OR6C3: variants seen among roughly 807,000 people sequenced by gnomAD.
The protein encoded by OR6C3 is olfactory receptor 6C3.
For missense variants in OR6C3, 487 were observed against 364.6 expected (o/e 1.34, Z -2.73); for synonymous variants, 177 against 137.4 (o/e 1.29, Z -2.02).
In OR6C3 at chr12:55,332,318, C is replaced by G; in HGVS notation, c.618C>G (p.Phe206Leu). The G allele has an allele frequency of 6.2e-7, 1 of 1,614,050 alleles. No homozygotes were observed. The highest frequency in any genetic ancestry group is 1.3e-5 in the African/African-American group (1 of 75,042). The change falls in exon 2 of 2, where the codon TTC (phenylalanine) becomes TTG (leucine). Residue 206 changes from phenylalanine to leucine, a missense_variant. Physicochemically the swap from Phe to Leu is conservative, Grantham distance 22. Coordinates refer to ENST00000641740, the MANE Select transcript of OR6C3 (RefSeq NM_001388498.1). ...GFYFALVTLL[F>L]TLALVILSYM... ...ACTTTGCTTTGGTTACTTTGCTGTT[C>G]ACTTTGGCATTAGTGATTTTATCTT...
upstream of OR6C3, chr12:55,330,349 A>T (rs1868803367): frequency 6.6e-6 from 1 of 152,184 alleles, no homozygotes; most frequent in Admixed American, 6.5e-5. Context: ...CACATCTTCC[A>T]AAGGTTTCTG....
At chr12:55,331,589 G>A in intron 1 of OR6C3, 68 bp from the exon 2 acceptor site, 5 of 655,150 alleles carry the variant, frequency 7.6e-6, no homozygotes, top group Non-Finnish European at 1.3e-5. Flanking sequence ...ATAATTATAT[G>A]GATCATGATG....
chr12:55,330,849 A>G (rs1198438245), intron 1 of OR6C3, 42 bp downstream of exon 1: 1 of 152,178 alleles, frequency 6.6e-6, no homozygotes, highest in Non-Finnish European at 1.5e-5. Flanking sequence ...GAGCAAAATG[A>G]AAAATAGATA....
At position 55,331,719 on chromosome 12, in the gene OR6C3, A is replaced by T; in HGVS notation, c.19A>T (p.Thr7Ser). The T allele has an allele frequency of 6.2e-7, 1 of 1,612,518 alleles. No individual in the cohort carries two copies. Among genetic ancestry groups the T allele is most frequent in the Non-Finnish European group, 8.5e-7 (1 of 1,178,784 alleles). Residue 7 changes from threonine (T) to serine (S), a missense_variant, in exon 2 of 2, where the codon ACA becomes TCA. Thr to Ser is a moderately conservative substitution (Grantham distance 58, BLOSUM62 1). Transcript: ENST00000641740. ...ACGAGACATGAACCACACAATGGTC[A>T]CAGAGTTTGTCCTCCTGGGCCTTTC... Reference protein sequence around the residue: MNHTMVTEFVLLGLSDD... With the variant: MNHTMVSEFVLLGLSDD...
chr12:55,332,030 CA>C lies in OR6C3; in HGVS notation c.331del (p.Ile111PhefsTer2), dbSNP rs750448690. On this transcript the variant is annotated frameshift_variant, in exon 2 of 2. Transcript: ENST00000641740. LOFTEE classifies it low-confidence loss of function (END_TRUNC). ...FIFMGVTEFY[I>X]LTAMSYDRYV... ...TCTTCATGGGGGTGACTGAATTTTA[CA>C]TTTTAACTGCCATGTCCTATGACCG... The C allele has an allele frequency of 6.2e-7, 1 of 1,614,130 alleles. No individual in the cohort carries two copies. The highest frequency in any genetic ancestry group is 1.1e-5 in the South Asian group (1 of 91,078).
chr12:55,332,148 T>A lies in OR6C3; in HGVS notation c.448T>A (p.Phe150Ile). ...LLVLCAWLSG[F>I]LTIFPPLMLL... ...TGTGCTGTGTGCCTGGCTAAGTGGG[T>A]TTCTGACCATTTTCCCACCCCTTAT... is the stretch of plus-strand genomic sequence containing the variant. Residue 150 changes from phenylalanine (F) to isoleucine (I), a missense_variant, in exon 2 of 2, where the codon TTT (phenylalanine) becomes ATT (isoleucine). By Grantham distance (21) the Phe-to-Ile change is conservative. Coordinates refer to ENST00000641740, the MANE Select transcript of OR6C3 (RefSeq NM_001388498.1). 1.2e-6 allele frequency: 2 copies of A among 1,614,016 alleles called. No individual in the cohort carries two copies. Among genetic ancestry groups the A allele is most frequent in the Non-Finnish European group, 1.7e-6 (2 of 1,179,992 alleles).
chr12:55,332,463 A>G lies in OR6C3; in HGVS notation c.763A>G (p.Met255Val). Residue 255 changes from methionine (M) to valine (V), a missense_variant, in exon 2 of 2, where the codon ATG (methionine) becomes GTG (valine). Coordinates refer to ENST00000641740, the MANE Select transcript of OR6C3 (RefSeq NM_001388498.1). ...ISISYGSCIF[M>V]YANPSAKEKA... ...CATTTCTTATGGAAGCTGTATATTC[A>G]TGTATGCTAATCCATCTGCAAAAGA... 1 of 1,614,056 alleles carries G rather than the reference A, an allele frequency of 6.2e-7. No homozygotes were observed. Among genetic ancestry groups the G allele is most frequent in the Non-Finnish European group, 8.5e-7 (1 of 1,180,000 alleles).
Position 55,331,877 on chromosome 12 carries a change from C to T in OR6C3, c.177C>T (p.Phe59=). The part of the protein sequence containing the change: ...DSHLQTPMYF[F]LRNFSFLEIS... ...ATCTGCAGACACCTATGTATTTCTTCCTCCGGAACTTCTCTTTCTTAGAAA... is the reference window on the plus strand; with the variant it reads ...ATCTGCAGACACCTATGTATTTCTTTCTCCGGAACTTCTCTTTCTTAGAAA... Residue 59 remains phenylalanine, a synonymous_variant, in exon 2 of 2, where the codon TTC becomes TTT. Coordinates refer to ENST00000641740, the MANE Select transcript of OR6C3 (RefSeq NM_001388498.1). 1 of 1,614,160 alleles carries T rather than the reference C, an allele frequency of 6.2e-7. No individual in the cohort carries two copies. Among genetic ancestry groups the T allele is most frequent in the African/African-American group, 1.3e-5 (1 of 75,058 alleles).
At chr12:55,331,511 T>C (rs1418117226) in intron 1 of OR6C3, 146 bp from the exon 2 acceptor site, 2 of 482,458 alleles carry the variant, frequency 4.1e-6, no homozygotes, top group Admixed American at 7.3e-5. Flanking sequence ...TAGAAAAAAA[T>C]ATTAAAACAT....
rs372567255 is a variant in OR6C3 at position 55,331,882 on chromosome 12, G to A, written c.182G>A (p.Arg61Gln). ...HLQTPMYFFL[R>Q]NFSFLEISFT... ...CAGACACCTATGTATTTCTTCCTCC[G>A]GAACTTCTCTTTCTTAGAAATCTCA... The change falls in exon 2 of 2, where the codon CGG becomes CAG. Residue 61 changes from arginine to glutamine, a missense_variant. By Grantham distance (43) the Arg-to-Gln change is conservative (BLOSUM62 1). Coordinates refer to ENST00000641740, the MANE Select transcript of OR6C3 (RefSeq NM_001388498.1). 3.7e-4 allele frequency: 590 copies of A among 1,613,920 alleles called. 6 individuals carry two copies. The South Asian group carries it at 5.7e-3, about 16-fold the overall frequency.
chr12:55,332,471 TA>T lies in OR6C3; in HGVS notation c.773del (p.Asn258IlefsTer10). On this transcript the variant is annotated frameshift_variant, in exon 2 of 2. Coordinates refer to ENST00000641740, the MANE Select transcript of OR6C3 (RefSeq NM_001388498.1). LOFTEE classifies it low-confidence loss of function (END_TRUNC). ...SYGSCIFMYA[N>X]PSAKEKASLT... The stretch of plus-strand genomic sequence containing the variant: ...ATGGAAGCTGTATATTCATGTATGC[TA>T]ATCCATCTGCAAAAGAAAAGGCATC... 1.2e-6 allele frequency: 2 copies of T among 1,614,050 alleles called. No homozygotes were observed. The highest frequency in any genetic ancestry group is 1.7e-6 in the Non-Finnish European group (2 of 1,179,978).
upstream of OR6C3, among the ~76,000 whole-genome samples, chr12:55,330,585 G>C (rs930155275): frequency 1.3e-5 from 2 of 152,110 alleles, no homozygotes; most frequent in Non-Finnish European, 2.9e-5. Flanking sequence ...AGCAGTTCTT[G>C]AATAGCTGAA....
chr12:55,331,917 G>C lies in OR6C3; in HGVS notation c.217G>C (p.Val73Leu), dbSNP rs139430640. 1 of 1,613,870 alleles carries C rather than the reference G, an allele frequency of 6.2e-7. No individual in the cohort carries two copies. Among genetic ancestry groups the C allele is most frequent in the Non-Finnish European group, 8.5e-7 (1 of 1,179,850 alleles). The stretch of plus-strand genomic sequence containing the variant: ...TTTCTTAGAAATCTCATTTACAACC[G>C]TATGCATCCCCAGATTTCTGGGGGC... ...FSFLEISFTT[V>L]CIPRFLGAII... Residue 73 changes from valine (V) to leucine (L), a missense_variant, in exon 2 of 2, where the codon GTA becomes CTA. Val to Leu is a conservative substitution (Grantham distance 32). Transcript: ENST00000641740.
Position 55,331,710 on chromosome 12 carries a change from A to G in OR6C3, c.10A>G (p.Thr4Ala). Reference sequence around the variant, plus strand: ...AGAGAAAGGACGAGACATGAACCACACAATGGTCACAGAGTTTGTCCTCCT... The same window carrying G: ...AGAGAAAGGACGAGACATGAACCACGCAATGGTCACAGAGTTTGTCCTCCT... Reference protein sequence around the residue: MNHTMVTEFVLLGL... With the variant: MNHAMVTEFVLLGL... Residue 4 changes from threonine to alanine, a missense_variant, in exon 2 of 2, where the codon ACA becomes GCA. Transcript: ENST00000641740. 1 of 1,610,372 alleles carries G rather than the reference A, an allele frequency of 6.2e-7. No homozygotes were observed.
At position 55,332,635 on chromosome 12, in the gene OR6C3, G is replaced by A; in HGVS notation, c.935G>A (p.Ter312=). 6.4e-7 allele frequency: 1 copy of A among 1,554,650 alleles called. No homozygotes were observed. The highest frequency in any genetic ancestry group is 1.2e-5 in the South Asian group (1 of 83,418). Residue 312 remains the stop codon, a stop_retained_variant, in exon 2 of 2, where the codon TGA becomes TAA. Transcript: ENST00000641740. ...AAAGTTGTGTTTTATGCAAATCAAT[G>A]AATTTTTGGTCAAAAATAAAGAGCA... is the stretch of plus-strand genomic sequence containing the variant. ...VHKVVFYANQ[*]
At position 55,332,273 on chromosome 12, in the gene OR6C3, C is replaced by A. The variant is rs1868886784; in HGVS notation, c.573C>A (p.Leu191=). The A allele has an allele frequency of 1.2e-6, 2 of 1,613,988 alleles. No homozygotes were observed. The highest frequency in any genetic ancestry group is 2.7e-5 in the African/African-American group (2 of 75,020). ...LLQLSCSDTW[L]LEVIGFYFAL... ...AACTATCTTGTTCAGATACATGGCT[C>A]CTAGAAGTAATTGGTTTTTACTTTG... is the stretch of plus-strand genomic sequence containing the variant. The change falls in exon 2 of 2, where the codon CTC becomes CTA. Residue 191 remains leucine, a synonymous_variant. Coordinates refer to ENST00000641740, the MANE Select transcript of OR6C3 (RefSeq NM_001388498.1).
At position 55,332,413 on chromosome 12, in the gene OR6C3, G is replaced by C. The variant is rs897904893; in HGVS notation, c.713G>C (p.Cys238Ser). ...CAAAGAAAAAAGGCTTTCTCCACTT[G>C]TTCTTCTCACATGATTGTCATTTCC... The part of the protein sequence containing the change: ...ASQRKKAFST[C>S]SSHMIVISIS... Residue 238 changes from cysteine to serine, a missense_variant, in exon 2 of 2, where the codon TGT (cysteine) becomes TCT (serine). Coordinates refer to ENST00000641740, the MANE Select transcript of OR6C3 (RefSeq NM_001388498.1). 2 of 1,613,890 alleles carry C rather than the reference G, an allele frequency of 1.2e-6. No individual in the cohort carries two copies. The highest frequency in any genetic ancestry group is 1.7e-6 in the Non-Finnish European group (2 of 1,179,866).
Position 55,332,347 on chromosome 12 carries a change from T to C in OR6C3, c.647T>C (p.Met216Thr). ...TTGGCATTAGTGATTTTATCTTACA[T>C]GTACATTATCAGGACCATTTTGAGA... ...FTLALVILSY[M>T]YIIRTILRIP... The change falls in exon 2 of 2, where the codon ATG becomes ACG. Residue 216 changes from methionine to threonine, a missense_variant. Coordinates refer to ENST00000641740, the MANE Select transcript of OR6C3 (RefSeq NM_001388498.1). The C allele has an allele frequency of 8.7e-6, 14 of 1,614,162 alleles. No individual in the cohort carries two copies. Among genetic ancestry groups the C allele is most frequent in the Non-Finnish European group, 1.2e-5 (14 of 1,180,032 alleles).
At position 55,332,024 on chromosome 12, in the gene OR6C3, A is replaced by G. The variant is rs761805380; in HGVS notation, c.324A>G (p.Glu108=). ...LFFFIFMGVT[E]FYILTAMSYD... is the part of the protein sequence containing the mutation. ...TCTTTATCTTCATGGGGGTGACTGAATTTTACATTTTAACTGCCATGTCCT... is the reference window on the plus strand; with the variant it reads ...TCTTTATCTTCATGGGGGTGACTGAGTTTTACATTTTAACTGCCATGTCCT... The change falls in exon 2 of 2, where the codon GAA becomes GAG. Residue 108 remains glutamate, a synonymous_variant. Transcript: ENST00000641740. 1.1e-5 allele frequency: 17 copies of G among 1,613,968 alleles called. No homozygotes were observed. The highest frequency in any genetic ancestry group is 1.4e-5 in the Non-Finnish European group (17 of 1,180,002).
Sources: allele counts gnomAD v4.1 joint callset (sites outside exome capture counted in the v4.1 genomes callset), GRCh38; gene constraint gnomAD v4.1.1; transcripts MANE v1.5; gene names NCBI Gene and HGNC (gene_info 2026-07-23, HGNC 2026-07-21).